Variants in WASL observed in about 807,000 individuals in gnomAD.
WASL encodes actin nucleation-promoting factor WASL.
WASL carries 20 observed loss-of-function variants against 55.5 expected under a neutral mutation model. The observed-to-expected ratio is 0.36, with a 90% CI of 0.25 to 0.52. The LOEUF (loss-of-function observed/expected upper bound fraction) is 0.52. WASL is among the 20% of genes least tolerant of loss of function. WASL has a pLI of 0.92. For missense variants in WASL, 504 were observed against 622.5 expected, an observed-to-expected ratio of 0.81 and a Z score of 2.03; for synonymous variants, 249 against 217.6, an observed-to-expected ratio of 1.14 and a Z score of -1.27.
At chr7:123,698,111 T>C (rs1301522138) in intron 5 of WASL, among the ~76,000 whole-genome samples, 1 of 152,164 alleles carries the variant, frequency 6.6e-6, no homozygotes, top group African/African-American at 2.4e-5. Context: ...GCTGATTTTG[T>C]TTTATATGTG....
chr7:123,703,823 A>T (rs1249306886), intron 5 of WASL, among the ~76,000 whole-genome samples: 1 of 152,198 alleles, frequency 6.6e-6, no homozygotes, highest in African/African-American at 2.4e-5. Flanking sequence ...ATATGCTTTT[A>T]AAAAGCAGCC....
chr7:123,691,568 C>T (rs1803408748), intron 9 of WASL, among the ~76,000 whole-genome samples: 1 of 152,062 alleles, frequency 6.6e-6, no homozygotes. Context: ...GGTGCTTCTG[C>T]GGTAAAACAG....
chr7:123,685,451 C>T (rs1301641972), intron 10 of WASL, among the ~76,000 whole-genome samples: 4 of 151,988 alleles, frequency 2.6e-5, no homozygotes, highest in African/African-American at 2.4e-5. Flanking sequence ...GCTATTTCTT[C>T]GTTAAACTGA....
intron 1 of WASL, among the ~76,000 whole-genome samples, chr7:123,732,007 A>G (rs1199016939): frequency 6.6e-6 from 1 of 152,226 alleles, no homozygotes; most frequent in Non-Finnish European, 1.5e-5. Flanking sequence ...AGAAAAAAAG[A>G]GAAAAGACAC....
intron 1 of WASL, among the ~76,000 whole-genome samples, chr7:123,723,261 A>C (rs1252889994): frequency 6.6e-6 from 1 of 152,198 alleles, no homozygotes; most frequent in Non-Finnish European, 1.5e-5. Context: ...TAATGAAAAG[A>C]CTAATATTTC....
chr7:123,692,148 T>C (rs1374307007), intron 9 of WASL, among the ~76,000 whole-genome samples, 199 bp downstream of exon 9: 1 of 152,192 alleles, frequency 6.6e-6, no homozygotes, highest in African/African-American at 2.4e-5. Context: ...ATGGGTTACA[T>C]GGCTATAGAG....
chr7:123,739,535 T>C (rs1460287083), intron 1 of WASL, among the ~76,000 whole-genome samples: 3 of 152,222 alleles, frequency 2.0e-5, no homozygotes, highest in Non-Finnish European at 4.4e-5. Flanking sequence ...CAACAAATTA[T>C]GTAAAATATT....
At chr7:123,721,107 T>C (rs1435875287) in intron 1 of WASL, among the ~76,000 whole-genome samples, 1 of 152,218 alleles carries the variant, frequency 6.6e-6, no homozygotes, top group African/African-American at 2.4e-5. Context: ...CAGTCTATAA[T>C]GAACAACAAA....
intron 1 of WASL, among the ~76,000 whole-genome samples, chr7:123,718,485 AGATAGGTGGGTAAT>A (rs1803882702): frequency 6.6e-6 from 1 of 150,680 alleles, no homozygotes; most frequent in Non-Finnish European, 1.5e-5. Flanking sequence ...AAAAACACTA[AGATAGGTGGGTAAT>A]GACAATGAGT....
chr7:123,715,695 G>T (rs1345523435), intron 1 of WASL, among the ~76,000 whole-genome samples: 1 of 152,128 alleles, frequency 6.6e-6, no homozygotes, highest in Non-Finnish European at 1.5e-5. Flanking sequence ...AAGCCATATG[G>T]AAAGGTGTGT....
intron 1 of WASL, among the ~76,000 whole-genome samples, chr7:123,711,384 TCA>T (rs1444078294): frequency 1.3e-5 from 2 of 152,156 alleles, no homozygotes; most frequent in African/African-American, 2.4e-5. Context: ...CTATAATTTT[TCA>T]CAGACAGGAT....
intron 9 of WASL, among the ~76,000 whole-genome samples, chr7:123,691,261 A>G (rs1803403611): frequency 6.6e-6 from 1 of 151,888 alleles, no homozygotes; most frequent in South Asian, 2.1e-4. Context: ...ATCATCCATG[A>G]CCTCCCTGAA....
chr7:123,698,893 G>C (rs959498625), intron 5 of WASL, among the ~76,000 whole-genome samples: 2 of 152,062 alleles, frequency 1.3e-5, no homozygotes, highest in African/African-American at 4.8e-5. Context: ...TTGAATTGGG[G>C]TTACACTCAG....
rs1389838302 is a variant in WASL, at chr7:123,692,463, C to G, written c.1231G>C (p.Asp411His). Reference sequence around the variant, plus strand: ...AGCTGAGCACCCTCTCTAATTTGATCTAAAAGAGCTGCTTTGTTTCCTGCA... The same window carrying G: ...AGCTGAGCACCCTCTCTAATTTGATGTAAAAGAGCTGCTTTGTTTCCTGCA... ...TTAGNKAALLDQIREGAQLKK... is the reference protein window; with the variant it reads ...TTAGNKAALLHQIREGAQLKK... Residue 411 changes from aspartate to histidine, a missense_variant, in exon 9 of 11, where the codon GAT (aspartate) becomes CAT (histidine). Around this residue, in one of 5 missense-constraint regions of WASL, gnomAD observed 201 missense variants for 206.2 expected, o/e 0.97. Coordinates refer to ENST00000223023, the MANE Select transcript of WASL (RefSeq NM_003941.4). 3.7e-6 allele frequency: 6 copies of G among 1,614,092 alleles called. No homozygotes were observed. In the South Asian group the frequency reaches 6.6e-5, roughly 18 times the overall value.
intron 1 of WASL, among the ~76,000 whole-genome samples, chr7:123,735,063 G>A (rs1285408547): frequency 6.9e-5 from 10 of 145,008 alleles, no homozygotes; most frequent in African/African-American, 2.6e-4. Context: ...AGAATAATAA[G>A]ACAGCTGAGG....
chr7:123,692,642 G>T lies in WASL; in HGVS notation c.1052C>A (p.Pro351His). 3 of 1,582,326 alleles carry T rather than the reference G, an allele frequency of 1.9e-6. No individual in the cohort carries two copies. The highest frequency in any genetic ancestry group is 2.6e-6 in the Non-Finnish European group (3 of 1,165,978). ...TGGAGGCCCTGAAGGTGCTGAGGAGGGAAGGGCTGGAGGTGGAGGAGGGTA... is the reference window on the plus strand; with the variant it reads ...TGGAGGCCCTGAAGGTGCTGAGGAGTGAAGGGCTGGAGGTGGAGGAGGGTA... ...RMYPPPPPAL[P>H]SSAPSGPPPP... The change falls in exon 9 of 11, where the codon CCC becomes CAC. Residue 351 changes from proline to histidine, a missense_variant. Around this residue, in one of 5 missense-constraint regions of WASL, gnomAD observed 201 missense variants for 206.2 expected, o/e 0.97. Transcript: ENST00000223023.
intron 1 of WASL, among the ~76,000 whole-genome samples, chr7:123,733,071 A>T (rs1468708849): frequency 6.6e-6 from 1 of 152,230 alleles, no homozygotes; most frequent in Non-Finnish European, 1.5e-5. Context: ...TTACTGGAGA[A>T]AAAGTAGACT....
chr7:123,742,333 T>G (rs1026878845), intron 1 of WASL, among the ~76,000 whole-genome samples: 2 of 152,176 alleles, frequency 1.3e-5, no homozygotes. Flanking sequence ...ACTAATATAA[T>G]AAGCCATAAT....
At chr7:123,700,170 C>T (rs1803557705) in intron 5 of WASL, among the ~76,000 whole-genome samples, 2 of 74,160 alleles carry the variant, frequency 2.7e-5, no homozygotes, top group Admixed American at 2.1e-4. Context: ...AGCGAAACTC[C>T]GTCTCAAAAA....
Sources: allele counts gnomAD v4.1 joint callset (sites outside exome capture counted in the v4.1 genomes callset), GRCh38; gene constraint gnomAD v4.1.1; regional missense constraint gnomAD v4.1.1; transcripts MANE v1.5; gene names NCBI Gene and HGNC (gene_info 2026-07-23, HGNC 2026-07-21).